Variants in XKR3 observed in about 807,000 individuals in gnomAD.
The protein encoded by XKR3 is XK related 3, also known as XK-related protein 3.
In XKR3, 27 loss-of-function variants were observed where a neutral mutation model predicts 40.3. The observed-to-expected ratio is 0.67, with a 90% CI of 0.49 to 0.92. XKR3 has a LOEUF of 0.92. XKR3 is among the 40% of genes least tolerant of loss of function. The probability of loss-of-function intolerance (pLI) is 0.00; values close to 1 mark genes in which losing one functional copy is unlikely to be tolerated. For synonymous variants in XKR3, 193 were observed against 195.4 expected (o/e 0.99, Z 0.10); for missense variants, 472 against 537.6 (o/e 0.88, Z 1.21).
rs566791637 is a variant in XKR3 at position 16,802,802 on chromosome 22, C to T, written c.336-2778G>A. Among the ~76,000 whole-genome samples the T allele has an allele frequency of 2.6e-5, 4 of 152,262 alleles. No individual in the cohort carries two copies. The South Asian group carries it at 8.3e-4, about 32-fold the overall frequency. On this transcript the variant is annotated intron_variant, in intron 2 of 3. Coordinates refer to ENST00000684488, the MANE Select transcript of XKR3 (RefSeq NM_001386955.1). ...TGCACCCAGCAGTCATCCCAGTCTT[C>T]CTACAAACTCATTAACTGACACCAA...
At chr22:16,790,977 A>G (rs2060113408) in intron 3 of XKR3, among the ~76,000 whole-genome samples, 1 of 152,106 alleles carries the variant, frequency 6.6e-6, no homozygotes. Context: ...ATTTTACTCC[A>G]TGAACAGTTT....
At chr22:16,790,164 A>G (rs1313364527) in intron 3 of XKR3, among the ~76,000 whole-genome samples, 11 of 152,146 alleles carry the variant, frequency 7.2e-5, no homozygotes, top group Non-Finnish European at 1.5e-4. Flanking sequence ...AAAACGTTTA[A>G]AAATAAATAT....
Position 16,825,326 on chromosome 22 carries a change from G to C in XKR3, c.-46C>G, listed in dbSNP as rs966653124. ...TGCCACCCTCACAGTTTTGAAACTC[G>C]TTCAAAAAGTAAATGCTTTTGTTCA... On this transcript the variant is annotated 5_prime_UTR_variant, in exon 1 of 4. Transcript: ENST00000684488. Among the ~76,000 whole-genome samples, 1 of 152,146 alleles carries C rather than the reference G, an allele frequency of 6.6e-6. No homozygotes were observed. Among genetic ancestry groups the C allele is most frequent in the South Asian group, 2.1e-4 (1 of 4,830 alleles).
chr22:16,802,375 G>A (rs1483461221), intron 2 of XKR3, among the ~76,000 whole-genome samples: 1 of 151,980 alleles, frequency 6.6e-6, no homozygotes, highest in African/African-American at 2.4e-5. Flanking sequence ...CTTCAAAAAG[G>A]AAAAAGAAAG....
At chr22:16,821,399 G>A (rs934022725) in intron 1 of XKR3, among the ~76,000 whole-genome samples, 15 of 152,032 alleles carry the variant, frequency 9.9e-5, no homozygotes, top group African/African-American at 3.4e-4. Context: ...AAAATCAGGA[G>A]CCTAATTATA....
intron 1 of XKR3, among the ~76,000 whole-genome samples, chr22:16,814,417 G>T (rs2146175631): frequency 6.6e-6 from 1 of 152,132 alleles, no homozygotes; most frequent in East Asian, 1.9e-4. Flanking sequence ...GCAGCTTTGT[G>T]GTAAATTTTG....
intron 3 of XKR3, 127 bp from the exon 4 acceptor site, chr22:16,784,536 T>A: frequency 1.1e-6 from 1 of 928,494 alleles, no homozygotes. Context: ...CATTTACTTA[T>A]AAAAAGAAAG....
chr22:16,793,064 G>A (rs1261854625), intron 3 of XKR3, among the ~76,000 whole-genome samples: 1 of 152,120 alleles, frequency 6.6e-6, no homozygotes, highest in Non-Finnish European at 1.5e-5. Context: ...CCAGGCTGGA[G>A]TGCAATGGGG....
At chr22:16,803,077 C>CAT (rs56137788) in intron 2 of XKR3, among the ~76,000 whole-genome samples, 102,499 of 149,710 alleles carry the variant, frequency 0.68, 36,014 homozygotes, top group Non-Finnish European at 0.78. Flanking sequence ...CCTCAATTGA[C>CAT]ATATATATAT....
intron 1 of XKR3, among the ~76,000 whole-genome samples, chr22:16,817,457 C>T (rs1341610501): frequency 1.3e-5 from 2 of 152,080 alleles, no homozygotes; most frequent in Non-Finnish European, 2.9e-5. Context: ...TATGAACTTT[C>T]CCCTCATGGC....
chr22:16,818,609 T>A (rs1192525444), intron 1 of XKR3, among the ~76,000 whole-genome samples: 1 of 152,116 alleles, frequency 6.6e-6, no homozygotes, highest in Non-Finnish European at 1.5e-5. Flanking sequence ...AAACTACTAC[T>A]TCAGTTTCTC....
Position 16,807,842 on chromosome 22 carries a change from C to T in XKR3, c.232G>A (p.Ala78Thr). The T allele has an allele frequency of 6.2e-7, 1 of 1,613,900 alleles. No homozygotes were observed. Residue 78 changes from alanine to threonine, a missense_variant, in exon 2 of 4, where the codon GCA (alanine) becomes ACA (threonine). By Grantham distance (58) the Ala-to-Thr change is moderately conservative. Transcript: ENST00000684488. ...ATCAGGATAATTTGATCCAAAATTGCCCCCACAATAATAAAGCTGATGGTA... is the reference window on the plus strand; with the variant it reads ...ATCAGGATAATTTGATCCAAAATTGTCCCCACAATAATAAAGCTGATGGTA... ...SFTISFIIVG[A>T]ILDQIILMFF...
At chr22:16,811,717 G>A (rs1275306922) in intron 1 of XKR3, among the ~76,000 whole-genome samples, 1 of 152,078 alleles carries the variant, frequency 6.6e-6, no homozygotes, top group East Asian at 1.9e-4. Flanking sequence ...TTAAAAAAAT[G>A]ATTTAATATG....
chr22:16,797,540 C>A (rs4386418), intron 3 of XKR3, among the ~76,000 whole-genome samples: 27,526 of 152,070 alleles, frequency 0.18, 2,933 homozygotes, highest in East Asian at 0.28. Context: ...CGCCTGTAAT[C>A]CCAGCACTTT....
At chr22:16,824,059 A>G (rs1400342943) in intron 1 of XKR3, among the ~76,000 whole-genome samples, 1 of 152,174 alleles carries the variant, frequency 6.6e-6, no homozygotes, top group East Asian at 1.9e-4. Flanking sequence ...TTGCTTGCAA[A>G]TAGGCCCTAG....
chr22:16,809,356 C>A (rs943635244), intron 1 of XKR3, among the ~76,000 whole-genome samples: 40 of 152,136 alleles, frequency 2.6e-4, no homozygotes, highest in African/African-American at 9.6e-4. Context: ...TTATTTTATT[C>A]TCCTCTTCGG....
chr22:16,818,711 A>T (rs1467024454), intron 1 of XKR3, among the ~76,000 whole-genome samples: 1 of 152,068 alleles, frequency 6.6e-6, no homozygotes, highest in African/African-American at 2.4e-5. Context: ...CTATTTCCCA[A>T]CCAGCTAAAA....
At chr22:16,795,756 CAA>C (rs947609334) in intron 3 of XKR3, among the ~76,000 whole-genome samples, 6 of 151,916 alleles carry the variant, frequency 3.9e-5, no homozygotes, top group Non-Finnish European at 7.4e-5. Context: ...TACTTGAGGT[CAA>C]GAGTTTGAGA....
chr22:16,788,965 C>A (rs1410297093), intron 3 of XKR3, among the ~76,000 whole-genome samples: 6 of 152,084 alleles, frequency 3.9e-5, no homozygotes, highest in African/African-American at 1.4e-4. Context: ...AATCTCTCAA[C>A]AAATTATGCA....
Sources: gnomAD v4.1 joint callset for allele counts (sites outside exome capture counted in the v4.1 genomes callset) on GRCh38, gnomAD v4.1.1 for gene constraint, MANE v1.5 for transcripts, NCBI Gene and HGNC (gene_info 2026-07-23, HGNC 2026-07-21) for gene names.